URB2: variants seen among roughly 807,000 people sequenced by gnomAD.
URB2 encodes unhealthy ribosome biogenesis protein 2 homolog.
URB2 carries 86 observed loss-of-function variants against 120.9 expected under a neutral mutation model. The ratio of observed to expected loss-of-function variants is 0.71; its 90% CI spans 0.60 to 0.85. The LOEUF (loss-of-function observed/expected upper bound fraction) is 0.85, where lower values mean the gene tolerates loss of function less well. Among genes scored for constraint, URB2 ranks in the 40% least tolerant of loss-of-function variants. The pLI, the probability that URB2 is intolerant of heterozygous loss-of-function variation, is 0.00. For missense variants in URB2, 1,765 were observed against 1,836.5 expected (o/e 0.96, Z 0.71); for synonymous variants, 755 against 758.4 (o/e 1.00, Z 0.07).
intron 2 of URB2, 110 bp downstream of exon 2, chr1:229,627,869 G>A: frequency 7.5e-7 from 1 of 1,339,240 alleles, no homozygotes; most frequent in Non-Finnish European, 9.9e-7. Context: ...AAAAGTTGGG[G>A]AGGGAACTTT....
At position 229,635,799 on chromosome 1, in the gene URB2, C is replaced by T. The variant is rs1665790218; in HGVS notation, c.1186C>T (p.Leu396=). The T allele has an allele frequency of 1.2e-6, 2 of 1,614,100 alleles. No homozygotes were observed. Among genetic ancestry groups the T allele is most frequent in the Admixed American group, 3.3e-5 (2 of 60,014 alleles). Residue 396 remains leucine (L), a synonymous_variant, in exon 4 of 10, where the codon CTG becomes TTG. Coordinates refer to ENST00000258243, the MANE Select transcript of URB2 (RefSeq NM_014777.4). ...QFRFYRHVAE[L]LINHAQAPIP... ...CCGCTTTTACCGCCACGTGGCTGAG[C>T]TGCTGATAAACCATGCACAAGCACC...
rs1250760986 is a variant in URB2 at position 229,645,879 on chromosome 1, A to G, written c.3816A>G (p.Thr1272=). Residue 1272 remains threonine (T), a synonymous_variant, in exon 6 of 10, where the codon ACA becomes ACG. Transcript: ENST00000258243. ...ADVQAVVSAV[T]LLRLLLNCPL... ...CCCAGGCTGTTGTGTCAGCTGTTAC[A>G]CTGCTGAGGCTGCTACTGAACTGCC... The G allele has an allele frequency of 9.3e-6, 15 of 1,614,110 alleles. No homozygotes were observed. The highest frequency in any genetic ancestry group is 1.3e-5 in the Non-Finnish European group (15 of 1,180,020).
At chr1:229,645,641 T>C (rs1050857788) in intron 5 of URB2, among the ~76,000 whole-genome samples, 5 of 152,168 alleles carry the variant, frequency 3.3e-5, no homozygotes, top group African/African-American at 1.2e-4. Flanking sequence ...TTGCCCCAGC[T>C]CTGCTCATCT....
chr1:229,653,591 C>T (rs1439195698), intron 8 of URB2, among the ~76,000 whole-genome samples: 1 of 152,150 alleles, frequency 6.6e-6, no homozygotes, highest in African/African-American at 2.4e-5. Context: ...AGAACTTCCC[C>T]ATGAGCTGTA....
In URB2 at chr1:229,637,971, G is replaced by A. The variant is rs770917791; in HGVS notation, c.3358G>A (p.Val1120Ile). ...WRLPSVLISSVSTLLEADLGQ... is the reference protein window; with the variant it reads ...WRLPSVLISSISTLLEADLGQ... ...CCTTCCCTCGGTCCTCATCTCATCCGTCAGCACGCTCTTGGAAGCCGACCT... is the reference window on the plus strand; with the variant it reads ...CCTTCCCTCGGTCCTCATCTCATCCATCAGCACGCTCTTGGAAGCCGACCT... Residue 1120 changes from valine (V) to isoleucine (I), a missense_variant, in exon 4 of 10, where the codon GTC becomes ATC. Transcript: ENST00000258243. The A allele has an allele frequency of 9.3e-6, 15 of 1,613,530 alleles. No individual in the cohort carries two copies. Among genetic ancestry groups the A allele is most frequent in the Admixed American group, 1.7e-5 (1 of 59,984 alleles).
In URB2 at chr1:229,637,596, C is replaced by G; in HGVS notation, c.2983C>G (p.Leu995Val). ...TATTGAGATGGATGATCCCGCTTGG[C>G]TGGAATTCCTCCAAGTGATAGGGAC... The part of the protein sequence containing the change: ...FLIEMDDPAW[L>V]EFLQVIGTFL... Residue 995 changes from leucine (L) to valine (V), a missense_variant, in exon 4 of 10, where the codon CTG (leucine) becomes GTG (valine). By Grantham distance (32) the Leu-to-Val change is conservative. Coordinates refer to ENST00000258243, the MANE Select transcript of URB2 (RefSeq NM_014777.4). 6.2e-7 allele frequency: 1 copy of G among 1,614,168 alleles called. No individual in the cohort carries two copies.
intron 7 of URB2, among the ~76,000 whole-genome samples, chr1:229,649,641 C>T (rs1387880458): frequency 6.6e-6 from 1 of 151,952 alleles, no homozygotes; most frequent in Non-Finnish European, 1.5e-5. Context: ...ATCACAGCAT[C>T]AACAGTGTGC....
At chr1:229,642,031 T>C (rs1666025447) in intron 4 of URB2, among the ~76,000 whole-genome samples, 1 of 152,086 alleles carries the variant, frequency 6.6e-6, no homozygotes, top group Non-Finnish European at 1.5e-5. Flanking sequence ...AAAAAACCAA[T>C]TAAAATGCTT....
chr1:229,651,369 AG>A (rs753290270), intron 8 of URB2, 47 bp downstream of exon 8: 9 of 1,543,516 alleles, frequency 5.8e-6, no homozygotes, highest in Non-Finnish European at 7.9e-6. Context: ...ATTCATCATG[AG>A]GTGTGGCTGC....
intron 8 of URB2, among the ~76,000 whole-genome samples, chr1:229,652,928 G>C (rs554102653): frequency 6.6e-6 from 1 of 152,180 alleles, no homozygotes; most frequent in Admixed American, 6.5e-5. Flanking sequence ...CTAAGACCTG[G>C]TTCTCAGACA....
intron 8 of URB2, among the ~76,000 whole-genome samples, chr1:229,652,335 A>T (rs1267254187): frequency 2.0e-5 from 3 of 152,138 alleles, no homozygotes; most frequent in Non-Finnish European, 4.4e-5. Context: ...ACCATAACTC[A>T]ACTCGGGGTG....
rs749930507 is a variant in URB2 at position 229,636,395 on chromosome 1, G to A, written c.1782G>A (p.Glu594=). ...LALLPDTPGP[E]PELWLQKVSD... is the part of the protein sequence containing the mutation. ...TTCTCCCGGACACCCCAGGCCCAGA[G>A]CCAGAGCTGTGGCTGCAGAAGGTCA... Residue 594 remains glutamate (E), a synonymous_variant, in exon 4 of 10, where the codon GAG becomes GAA. Transcript: ENST00000258243. 6.2e-7 allele frequency: 1 copy of A among 1,614,240 alleles called. No individual in the cohort carries two copies. Among genetic ancestry groups the A allele is most frequent in the Non-Finnish European group, 8.5e-7 (1 of 1,180,038 alleles).
At chr1:229,645,469 A>C (rs1666117955) in intron 5 of URB2, among the ~76,000 whole-genome samples, 1 of 152,112 alleles carries the variant, frequency 6.6e-6, no homozygotes, top group African/African-American at 2.4e-5. Flanking sequence ...GTAAGCGTGC[A>C]TCGTTGCTCA....
intron 4 of URB2, 91 bp from the exon 5 acceptor site, chr1:229,643,442 G>A (rs185707309): frequency 2.7e-6 from 4 of 1,476,932 alleles, no homozygotes; most frequent in East Asian, 2.3e-5. Context: ...TTTTGATGGC[G>A]GCCACAGCTG....
chr1:229,643,972 C>A (rs1048198805), intron 5 of URB2, among the ~76,000 whole-genome samples: 1 of 152,218 alleles, frequency 6.6e-6, no homozygotes, highest in South Asian at 2.1e-4. Flanking sequence ...CAAAACTGAT[C>A]CATAAAAAAG....
chr1:229,630,756 C>T (rs559683880), intron 2 of URB2, among the ~76,000 whole-genome samples: 7 of 152,084 alleles, frequency 4.6e-5, no homozygotes, highest in South Asian at 2.1e-4. Flanking sequence ...GGGAGGCCAA[C>T]GCAGGTGGAT....
intron 3 of URB2, 87 bp downstream of exon 3, chr1:229,632,532 A>T: frequency 8.3e-7 from 1 of 1,201,882 alleles, no homozygotes; most frequent in East Asian, 2.7e-5. Flanking sequence ...TGTCAATTGT[A>T]TGAAGATATA....
In URB2 at chr1:229,636,927, A is replaced by G; in HGVS notation, c.2314A>G (p.Met772Val). The change falls in exon 4 of 10, where the codon ATG (methionine) becomes GTG (valine). Residue 772 changes from methionine (M) to valine (V), a missense_variant. Transcript: ENST00000258243. ...LASVLLRTLP[M>V]GKAQEVSIDE... is the part of the protein sequence containing the mutation. The stretch of plus-strand genomic sequence containing the variant: ...CAGTGTCCTGCTGAGAACTTTACCC[A>G]TGGGCAAAGCCCAGGAAGTCTCAAT... 1 of 1,613,360 alleles carries G rather than the reference A, an allele frequency of 6.2e-7. No homozygotes were observed.
rs561833233 is a variant in URB2 at position 229,657,625 on chromosome 1, T to C, written c.4378-1475T>C. Among the ~76,000 whole-genome samples, 5 of 152,358 alleles carry C rather than the reference T, an allele frequency of 3.3e-5. No homozygotes were observed. The East Asian group carries it at 9.6e-4, about 29-fold the overall frequency. On this transcript the variant is annotated intron_variant, in intron 9 of 9. Coordinates refer to ENST00000258243, the MANE Select transcript of URB2 (RefSeq NM_014777.4). ...TTGTGTTTTTGTCTGTTTTTCGTTT[T>C]GTTTTGTTTTTTTCTTTCCCTCCCA... is the stretch of plus-strand genomic sequence containing the variant.
Sources: allele counts gnomAD v4.1 joint callset (sites outside exome capture counted in the v4.1 genomes callset), GRCh38; gene constraint gnomAD v4.1.1; transcripts MANE v1.5; gene names NCBI Gene and HGNC (gene_info 2026-07-23, HGNC 2026-07-21).